The following KIAA0319L variants were observed in gnomAD, a reference collection of about 807,000 sequenced individuals.
KIAA0319L encodes the protein dyslexia-associated protein KIAA0319-like protein.
In KIAA0319L, 55 loss-of-function variants were observed where a neutral mutation model predicts 120.1. That is an observed-to-expected ratio of 0.46 (90% CI 0.37 to 0.57). The LOEUF (loss-of-function observed/expected upper bound fraction) is 0.57. KIAA0319L is among the 20% of genes least tolerant of loss of function. The probability of loss-of-function intolerance (pLI) is 0.00; values close to 1 mark genes in which losing one functional copy is unlikely to be tolerated. For missense variants in KIAA0319L, 1,049 were observed against 1,255.3 expected (o/e 0.84, Z 2.48); for synonymous variants, 398 against 471.9 (o/e 0.84, Z 2.03).
At chr1:35,504,203 CTT>C (rs924758114) in intron 3 of KIAA0319L, among the ~76,000 whole-genome samples, 5 of 127,160 alleles carry the variant, frequency 3.9e-5, no homozygotes, top group Admixed American at 1.6e-4. Flanking sequence ...ATTTTCTTCC[CTT>C]TTTTTTTTTG....
chr1:35,527,499 C>T (rs530164808), intron 2 of KIAA0319L, among the ~76,000 whole-genome samples: 11 of 152,122 alleles, frequency 7.2e-5, no homozygotes, highest in South Asian at 2.1e-4. Flanking sequence ...CTTATTAGTC[C>T]GGTAGAATTT....
intron 4 of KIAA0319L, among the ~76,000 whole-genome samples, chr1:35,478,442 T>C (rs1011953752): frequency 2.6e-5 from 4 of 152,206 alleles, no homozygotes; most frequent in Non-Finnish European, 5.9e-5. Flanking sequence ...ACACAAAGGA[T>C]AAAGGCTTGA....
chr1:35,520,946 A>G (rs1386546426), intron 2 of KIAA0319L, among the ~76,000 whole-genome samples: 2 of 152,260 alleles, frequency 1.3e-5, no homozygotes, highest in African/African-American at 4.8e-5. Flanking sequence ...CAAATAAACT[A>G]GCACTATGTG....
intron 13 of KIAA0319L, among the ~76,000 whole-genome samples, chr1:35,451,026 C>T (rs1642021426): frequency 6.6e-6 from 1 of 152,226 alleles, no homozygotes; most frequent in African/African-American, 2.4e-5. Context: ...GATGTCTGTG[C>T]AGTATTTACT....
chr1:35,489,564 G>A (rs1044664420), intron 3 of KIAA0319L, among the ~76,000 whole-genome samples: 21 of 152,036 alleles, frequency 1.4e-4, no homozygotes, highest in African/African-American at 4.8e-4. Context: ...AAATTTGAAG[G>A]AGACCCCCTT....
chr1:35,512,536 G>A (rs771211689), intron 2 of KIAA0319L, among the ~76,000 whole-genome samples: 2 of 151,788 alleles, frequency 1.3e-5, no homozygotes, highest in African/African-American at 2.4e-5. Context: ...GACTGACCAC[G>A]GGAAAAAAAA....
intron 3 of KIAA0319L, among the ~76,000 whole-genome samples, chr1:35,496,438 A>C (rs1214780671): frequency 6.6e-6 from 1 of 152,168 alleles, no homozygotes; most frequent in Non-Finnish European, 1.5e-5. Context: ...AAAAAATAAA[A>C]TAAAACATAC....
At chr1:35,454,759 TGTGCAGAGATTACCAAGGCCAG>T in intron 10 of KIAA0319L, 1 of 502,120 alleles carries the variant, frequency 2.0e-6, no homozygotes, top group Non-Finnish European at 3.0e-6. Context: ...TATTGGGAAA[TGTGCAGAGATTACCAAGGCCAG>T]TCTCTATGAC....
chr1:35,489,005 G>A (rs1644491702), intron 3 of KIAA0319L, among the ~76,000 whole-genome samples: 1 of 152,182 alleles, frequency 6.6e-6, no homozygotes, highest in South Asian at 2.1e-4. Flanking sequence ...ACAAGATCAA[G>A]GACATATTTG....
At chr1:35,493,130 T>G (rs1014573026) in intron 3 of KIAA0319L, among the ~76,000 whole-genome samples, 2 of 152,126 alleles carry the variant, frequency 1.3e-5, no homozygotes, top group African/African-American at 2.4e-5. Context: ...TGATTATATA[T>G]AGAGAAAATC....
At chr1:35,550,651 C>T (rs1045797986) in intron 2 of KIAA0319L, among the ~76,000 whole-genome samples, 1 of 152,176 alleles carries the variant, frequency 6.6e-6, no homozygotes, top group East Asian at 1.9e-4. Flanking sequence ...AAATTGACAG[C>T]ATATTGAATA....
chr1:35,554,458 C>G lies in KIAA0319L; in HGVS notation c.34G>C (p.Ala12Pro). Residue 12 changes from alanine (A) to proline (P), a missense_variant, in exon 2 of 21, where the codon GCT (alanine) becomes CCT (proline). Transcript: ENST00000325722. ...TAATATCCTGATAAAATCCAGGAAG[C>G]AGGATTTGGCTTGACTCCCAGCCTC... is the stretch of plus-strand genomic sequence containing the variant. ...EKRLGVKPNP[A>P]SWILSGYYWQ... 6.2e-7 allele frequency: 1 copy of G among 1,613,156 alleles called. No homozygotes were observed. Among genetic ancestry groups the G allele is most frequent in the South Asian group, 1.1e-5 (1 of 90,870 alleles).
intron 2 of KIAA0319L, among the ~76,000 whole-genome samples, chr1:35,521,992 T>C (rs1645940218): frequency 6.6e-6 from 1 of 151,098 alleles, no homozygotes; most frequent in Admixed American, 6.6e-5. Flanking sequence ...AAATAAAAAA[T>C]AAATAAAGAA....
intron 4 of KIAA0319L, among the ~76,000 whole-genome samples, chr1:35,475,880 T>C (rs183229821): frequency 1.3e-5 from 2 of 152,336 alleles, no homozygotes; most frequent in East Asian, 3.9e-4. Context: ...TGCCTCTAGT[T>C]ACATTGATTT....
chr1:35,512,913 C>A (rs1475079315), intron 2 of KIAA0319L, among the ~76,000 whole-genome samples: 3 of 146,712 alleles, frequency 2.0e-5, no homozygotes, highest in East Asian at 4.2e-4. Flanking sequence ...AGGGATATTA[C>A]TACAGATTCA....
intron 3 of KIAA0319L, among the ~76,000 whole-genome samples, chr1:35,505,690 C>A (rs1023676059): frequency 6.6e-6 from 1 of 152,156 alleles, no homozygotes; most frequent in Non-Finnish European, 1.5e-5. Context: ...TCTAATACTG[C>A]ACTAAAAAGT....
chr1:35,442,453 C>G lies in KIAA0319L; in HGVS notation c.2780-117G>C. 3 of 782,700 alleles carry G rather than the reference C, an allele frequency of 3.8e-6. No individual in the cohort carries two copies. In the South Asian group the frequency reaches 4.4e-5, roughly 11 times the overall value. 48.5% of individuals were successfully genotyped at this position (782,700 alleles called of 1,614,324 possible). A position where few individuals can be genotyped will look rare whatever the true frequency, so the allele number is the denominator to read the frequency against. On this transcript the variant is annotated intron_variant, in intron 18 of 20. Transcript: ENST00000325722. Reference sequence around the variant, plus strand: ...TCTGGAGACAAGAATGCCTCAGGCTCCCCAGGAAGGTAAGACCTTGGAGTT... The same window carrying G: ...TCTGGAGACAAGAATGCCTCAGGCTGCCCAGGAAGGTAAGACCTTGGAGTT...
chr1:35,538,590 CAAAAAAAAAA>C (rs757522421), intron 2 of KIAA0319L, among the ~76,000 whole-genome samples: 7 of 31,944 alleles, frequency 2.2e-4, no homozygotes, highest in Admixed American at 9.1e-4. Flanking sequence ...AACTCTGTCT[CAAAAAAAAAA>C]AAAAAAAAAA....
At chr1:35,522,620 A>C (rs1645969369) in intron 2 of KIAA0319L, among the ~76,000 whole-genome samples, 1 of 152,030 alleles carries the variant, frequency 6.6e-6, no homozygotes, top group African/African-American at 2.4e-5. Context: ...TACCCGTATT[A>C]TTTTCTTTTG....
Sources: gnomAD v4.1 joint callset for allele counts (sites outside exome capture counted in the v4.1 genomes callset) on GRCh38, gnomAD v4.1.1 for gene constraint, MANE v1.5 for transcripts, NCBI Gene and HGNC (gene_info 2026-07-23, HGNC 2026-07-21) for gene names.